Variants in ZYG11B observed in about 807,000 individuals in gnomAD.
ZYG11B encodes the protein protein zyg-11 homolog B.
A neutral mutation model predicts 82.4 loss-of-function variants in ZYG11B; 36 were observed. The ratio of observed to expected loss-of-function variants is 0.44; its 90% confidence interval spans 0.33 to 0.58. The LOEUF (loss-of-function observed/expected upper bound fraction) is 0.58, where lower values mean the gene tolerates loss of function less well. Ranked by LOEUF, ZYG11B falls within the 20% of genes least tolerant of loss-of-function variation. The probability of loss-of-function intolerance (pLI) is 0.02; values close to 1 mark genes in which losing one functional copy is unlikely to be tolerated. For missense variants in ZYG11B, 552 were observed against 895.6 expected, an observed-to-expected ratio of 0.62 and a Z score of 4.90; for synonymous variants, 303 against 312.8, an observed-to-expected ratio of 0.97 and a Z score of 0.33.
At chr1:52,744,143 C>G (rs4926926) in intron 1 of ZYG11B, among the ~76,000 whole-genome samples, 95,272 of 151,906 alleles carry the variant, frequency 0.63, 31,883 homozygotes, top group East Asian at 0.97. Context: ...TACCATGTTG[C>G]CCAGGCTGGT....
At chr1:52,756,661 G>A (rs376690542) in intron 2 of ZYG11B, 38 bp downstream of exon 2, 34 of 1,576,160 alleles carry the variant, frequency 2.2e-5, no homozygotes, top group Non-Finnish European at 2.8e-5. Context: ...ATTATGTGCT[G>A]TTAATTAGAT....
At position 52,825,524 on chromosome 1, in the gene ZYG11B, A is replaced by C. The variant is rs187083239; in HGVS notation, c.*3895A>C. ...GCTTTCGTGATATATTTCATTTGCAAACTTCTACATAATCAAGTTTTATGT... is the reference window on the plus strand; with the variant it reads ...GCTTTCGTGATATATTTCATTTGCACACTTCTACATAATCAAGTTTTATGT... On this transcript the variant is annotated 3_prime_UTR_variant, in exon 14 of 14. Coordinates refer to ENST00000294353, the MANE Select transcript of ZYG11B (RefSeq NM_024646.3). The C allele has an allele frequency of 3.5e-4, 53 of 152,198 alleles. No individual in the cohort carries two copies. Among genetic ancestry groups the C allele is most frequent in the African/African-American group, 1.3e-3 (53 of 41,528 alleles). The allele number at this position is 152,198 out of a possible 1,614,324, so 9.4% of individuals were successfully genotyped here.
intron 10 of ZYG11B, among the ~76,000 whole-genome samples, chr1:52,811,874 C>T (rs1645186669): frequency 6.6e-6 from 1 of 151,952 alleles, no homozygotes; most frequent in Admixed American, 6.6e-5. Context: ...ACTAAAAATA[C>T]AAAAAAATTA....
chr1:52,770,092 A>ATTTTT (rs33953020), intron 2 of ZYG11B, among the ~76,000 whole-genome samples: 3,855 of 94,290 alleles, frequency 0.041, 153 homozygotes, highest in Non-Finnish European at 0.06. Context: ...ATATATATAT[A>ATTTTT]TTTTTTTTTT....
chr1:52,784,862 A>ATT lies in ZYG11B; in HGVS notation c.1093-6_1093-5dup. The stretch of plus-strand genomic sequence containing the variant: ...TTTATAAGGTGAATTAAGAGGACTA[A>ATT]TTTTTTTTTTCCAGCTTGTGGTTAC... On this transcript the variant is annotated splice_polypyrimidine_tract_variant and intron_variant, in intron 4 of 13. Transcript: ENST00000294353. The ATT allele has an allele frequency of 6.5e-7, 1 of 1,538,852 alleles. No homozygotes were observed. Among genetic ancestry groups the ATT allele is most frequent in the Non-Finnish European group, 8.9e-7 (1 of 1,123,784 alleles).
rs1571806626 is a variant in ZYG11B, at chr1:52,821,530, A to G, written c.2136A>G (p.Gln712=). Residue 712 remains glutamine, a synonymous_variant, in exon 14 of 14, where the codon CAA becomes CAG. Transcript: ENST00000294353. Reference sequence around the variant, plus strand: ...ATGAACATACTGATCCCCATGTCCAACAGATTGCTGTGGCCATTCTGGATA... The same window carrying G: ...ATGAACATACTGATCCCCATGTCCAGCAGATTGCTGTGGCCATTCTGGATA... ...KDHEHTDPHV[Q]QIAVAILDSL... The G allele has an allele frequency of 3.1e-6, 5 of 1,614,160 alleles. No individual in the cohort carries two copies. Among genetic ancestry groups the G allele is most frequent in the South Asian group, 1.1e-5 (1 of 91,076 alleles).
Position 52,735,757 on chromosome 1 carries a change from C to T in ZYG11B, c.30+9074C>T, listed in dbSNP as rs150855105. On this transcript the variant is annotated intron_variant, in intron 1 of 13. Transcript: ENST00000294353. Reference sequence around the variant, plus strand: ...TTCACTATGTTGGCTAGGCTGGTCTCGAACTCCTGACCTCAAGTGATCTGC... The same window carrying T: ...TTCACTATGTTGGCTAGGCTGGTCTTGAACTCCTGACCTCAAGTGATCTGC... Among the ~76,000 whole-genome samples, 191 of 152,090 alleles carry T rather than the reference C, an allele frequency of 1.3e-3. 2 individuals carry two copies. The East Asian group carries it at 0.029, about 23-fold the overall frequency.
chr1:52,783,502 G>A (rs537687441), intron 4 of ZYG11B, among the ~76,000 whole-genome samples: 6 of 151,956 alleles, frequency 3.9e-5, no homozygotes, highest in African/African-American at 1.4e-4. Context: ...GATTCCTTAT[G>A]GTAGCAGGCA....
intron 2 of ZYG11B, among the ~76,000 whole-genome samples, chr1:52,766,662 G>A (rs1436050537): frequency 6.6e-6 from 1 of 152,142 alleles, no homozygotes; most frequent in Non-Finnish European, 1.5e-5. Flanking sequence ...TCCAGCAGTG[G>A]AAGGTAGGAG....
At chr1:52,729,421 G>C (rs1046344158) in intron 1 of ZYG11B, among the ~76,000 whole-genome samples, 5 of 152,180 alleles carry the variant, frequency 3.3e-5, no homozygotes, top group African/African-American at 9.7e-5. Flanking sequence ...TATACACACA[G>C]AGTAACAGTG....
intron 8 of ZYG11B, among the ~76,000 whole-genome samples, chr1:52,797,403 A>C (rs34823658): frequency 9.4e-5 from 9 of 95,950 alleles, no homozygotes; most frequent in African/African-American, 4.2e-4. Flanking sequence ...TCATATATGA[A>C]ATATATATCA....
At chr1:52,738,245 C>CT (rs1356670983) in intron 1 of ZYG11B, among the ~76,000 whole-genome samples, 3 of 152,188 alleles carry the variant, frequency 2.0e-5, no homozygotes, top group African/African-American at 4.8e-5. Context: ...GGTCTTCACT[C>CT]TGTCGCCCAG....
At chr1:52,808,530 CT>C (rs1645159699) in intron 10 of ZYG11B, among the ~76,000 whole-genome samples, 1 of 151,964 alleles carries the variant, frequency 6.6e-6, no homozygotes, top group African/African-American at 2.4e-5. Context: ...GCCATTATTT[CT>C]TTTTAAAATA....
intron 1 of ZYG11B, among the ~76,000 whole-genome samples, chr1:52,732,414 T>G (rs564932900): frequency 1.7e-4 from 26 of 152,336 alleles, no homozygotes; most frequent in Non-Finnish European, 3.2e-4. Flanking sequence ...AGTGGCATTC[T>G]GTATCTCCCC....
intron 1 of ZYG11B, among the ~76,000 whole-genome samples, chr1:52,744,061 C>T (rs1571745086): frequency 6.6e-6 from 1 of 152,058 alleles, no homozygotes; most frequent in South Asian, 2.1e-4. Context: ...CTCAGCCTCC[C>T]CAGTAGCTAG....
intron 10 of ZYG11B, among the ~76,000 whole-genome samples, chr1:52,810,642 A>G (rs1036194933): frequency 2.0e-5 from 3 of 152,060 alleles, no homozygotes; most frequent in Non-Finnish European, 4.4e-5. Flanking sequence ...CTGTTTTTCC[A>G]TATTTATTTG....
At chr1:52,748,155 A>G (rs145047455) in intron 1 of ZYG11B, among the ~76,000 whole-genome samples, 102 of 152,308 alleles carry the variant, frequency 6.7e-4, no homozygotes, top group African/African-American at 2.2e-3. Context: ...TATGGGGAAG[A>G]GATTTAACCT....
intron 13 of ZYG11B, among the ~76,000 whole-genome samples, chr1:52,818,389 T>G (rs1033256987): frequency 3.3e-5 from 5 of 151,710 alleles, no homozygotes; most frequent in Admixed American, 1.3e-4. Flanking sequence ...GGTGGCAGCA[T>G]CATCTGAGCC....
rs749360800 is a variant in ZYG11B, at chr1:52,821,602, A to G, written c.2208A>G (p.Lys736=). Residue 736 remains lysine, a synonymous_variant, in exon 14 of 14, where the codon AAA becomes AAG. Transcript: ENST00000294353. ...IVRHGRPPPC[K]KQPQARLN Reference sequence around the variant, plus strand: ...GCCATGGGAGGCCACCTCCCTGTAAAAAACAGCCCCAAGCCAGACTAAATT... The same window carrying G: ...GCCATGGGAGGCCACCTCCCTGTAAGAAACAGCCCCAAGCCAGACTAAATT... The G allele has an allele frequency of 6.2e-7, 1 of 1,613,574 alleles. No individual in the cohort carries two copies. The highest frequency in any genetic ancestry group is 2.2e-5 in the East Asian group (1 of 44,888).
Sources: allele counts gnomAD v4.1 joint callset (sites outside exome capture counted in the v4.1 genomes callset), GRCh38; gene constraint gnomAD v4.1.1; transcripts MANE v1.5; gene names NCBI Gene and HGNC (gene_info 2026-07-23, HGNC 2026-07-21).